ADGRB3: variants seen among roughly 807,000 people sequenced by gnomAD.
ADGRB3 encodes the protein brain-specific angiogenesis inhibitor 3.
In ADGRB3, 37 loss-of-function variants were observed where a neutral mutation model predicts 193.4. That is an observed-to-expected ratio of 0.19 (90% confidence interval 0.15 to 0.25). The LOEUF is 0.25. Ranked by LOEUF, ADGRB3 falls within the 10% of genes least tolerant of loss-of-function variation. The pLI is 1.00. For synonymous variants in ADGRB3, 690 were observed against 644.2 expected (o/e 1.07, Z -1.08); for missense variants, 1,637 against 1,852.9 (o/e 0.88, Z 2.14).
chr6:69,284,870 A>T (rs1767515466), intron 20 of ADGRB3, among the ~76,000 whole-genome samples: 1 of 152,172 alleles, frequency 6.6e-6, no homozygotes, highest in Admixed American at 6.5e-5. Flanking sequence ...GAAAAACAGC[A>T]GGGAAGATTG....
At chr6:68,874,042 C>G (rs574923692) in intron 3 of ADGRB3, among the ~76,000 whole-genome samples, 1 of 152,114 alleles carries the variant, frequency 6.6e-6, no homozygotes, top group Non-Finnish European at 1.5e-5. Context: ...TGCTAATATT[C>G]CACACATTAC....
At chr6:69,001,265 C>T (rs914233729) in intron 11 of ADGRB3, among the ~76,000 whole-genome samples, 1 of 152,156 alleles carries the variant, frequency 6.6e-6, no homozygotes. Context: ...AATGGCATGT[C>T]CATTAGAAAA....
intron 17 of ADGRB3, among the ~76,000 whole-genome samples, chr6:69,217,949 G>T (rs142883678): frequency 6.6e-6 from 1 of 151,688 alleles, no homozygotes; most frequent in Non-Finnish European, 1.5e-5. Context: ...TGAGGAGCTC[G>T]CCTCACTCTT....
rs929194799 is a variant in ADGRB3 at position 69,369,436 on chromosome 6, G to A, written c.4240-2970G>A. Among the ~76,000 whole-genome samples the A allele has an allele frequency of 3.3e-5, 5 of 152,042 alleles. No individual in the cohort carries two copies. The East Asian group carries it at 7.7e-4, about 24-fold the overall frequency. ...AACTAAGGCTGGGGTGGAGCCTCAC[G>A]CCTGTAATCTCAGCACTTTGAGAGG... On this transcript the variant is annotated intron_variant, in intron 29 of 31. Coordinates refer to ENST00000370598, the MANE Select transcript of ADGRB3 (RefSeq NM_001704.3).
intron 3 of ADGRB3, among the ~76,000 whole-genome samples, chr6:68,911,044 A>C (rs1011882877): frequency 7.9e-5 from 12 of 151,924 alleles, no homozygotes; most frequent in Admixed American, 3.3e-4. Flanking sequence ...ATGAGCATGG[A>C]ATGTTCTTCA....
intron 20 of ADGRB3, among the ~76,000 whole-genome samples, chr6:69,292,876 C>G (rs1290449228): frequency 2.0e-5 from 3 of 151,716 alleles, no homozygotes; most frequent in African/African-American, 4.8e-5. Flanking sequence ...CCCGTCCCCC[C>G]ACCCCACAAC....
In ADGRB3 at chr6:68,930,546, A is replaced by G. The variant is rs538883982; in HGVS notation, c.758-13A>G. On this transcript the variant is annotated splice_polypyrimidine_tract_variant and intron_variant, in intron 3 of 31. Transcript: ENST00000370598. ...TACACACAAGCTTTCATATACCTTTATTCTGTCTTTAGAATTTGGAATGAT... is the reference window on the plus strand; with the variant it reads ...TACACACAAGCTTTCATATACCTTTGTTCTGTCTTTAGAATTTGGAATGAT... 3 of 1,579,940 alleles carry G rather than the reference A, an allele frequency of 1.9e-6. No individual in the cohort carries two copies. In the South Asian group the frequency reaches 3.4e-5, roughly 18 times the overall value.
intron 3 of ADGRB3, among the ~76,000 whole-genome samples, chr6:68,659,212 T>C (rs1283699861): frequency 6.6e-6 from 1 of 150,992 alleles, no homozygotes; most frequent in African/African-American, 2.4e-5. Context: ...ATCAAGCTGA[T>C]GCAATTTTTT....
intron 3 of ADGRB3, among the ~76,000 whole-genome samples, chr6:68,735,970 A>G (rs1320223283): frequency 6.6e-6 from 1 of 152,116 alleles, no homozygotes; most frequent in Non-Finnish European, 1.5e-5. Context: ...GAACTGTGTG[A>G]CTTAAAATAG....
At chr6:69,123,475 C>A (rs1773773765) in intron 17 of ADGRB3, among the ~76,000 whole-genome samples, 1 of 152,116 alleles carries the variant, frequency 6.6e-6, no homozygotes, top group Admixed American at 6.5e-5. Flanking sequence ...TCTGGGACTA[C>A]AACAGTGAAC....
intron 17 of ADGRB3, among the ~76,000 whole-genome samples, chr6:69,078,864 C>T (rs9363981): frequency 0.033 from 4,957 of 152,170 alleles, 134 homozygotes; most frequent in East Asian, 0.097. Context: ...TTCATCACTG[C>T]ACTGTTGGTG....
chr6:68,943,065 A>G (rs957108896), intron 5 of ADGRB3, among the ~76,000 whole-genome samples: 1 of 152,228 alleles, frequency 6.6e-6, no homozygotes, highest in African/African-American at 2.4e-5. Context: ...TATGTTAAGC[A>G]TAATTATTTT....
rs541095901 is a variant in ADGRB3 at position 68,856,435 on chromosome 6, G to C, written c.758-74124G>C. Among the ~76,000 whole-genome samples the C allele has an allele frequency of 3.3e-5, 5 of 152,250 alleles. No individual in the cohort carries two copies. The East Asian group carries it at 5.8e-4, about 18-fold the overall frequency. ...ATTCTGATAGTTATATGAACAATAG[G>C]GTCCAGGTTGAGGTGGTCTCAGGTG... is the stretch of plus-strand genomic sequence containing the variant. On this transcript the variant is annotated intron_variant, in intron 3 of 31. Coordinates refer to ENST00000370598, the MANE Select transcript of ADGRB3 (RefSeq NM_001704.3).
intron 17 of ADGRB3, among the ~76,000 whole-genome samples, chr6:69,154,827 C>T (rs1345755944): frequency 6.6e-6 from 1 of 152,178 alleles, no homozygotes; most frequent in African/African-American, 2.4e-5. Flanking sequence ...TTTATCCATT[C>T]ATCTATCTAT....
chr6:69,167,067 A>G (rs775140688), intron 17 of ADGRB3, among the ~76,000 whole-genome samples: 11 of 152,164 alleles, frequency 7.2e-5, no homozygotes, highest in Non-Finnish European at 1.2e-4. Context: ...TTTGACTCTC[A>G]CAGAGCAGGA....
Position 69,089,651 on chromosome 6 carries a change from A to G in ADGRB3, c.2480+13613A>G, listed in dbSNP as rs1189084044. On this transcript the variant is annotated intron_variant, in intron 17 of 31. Coordinates refer to ENST00000370598, the MANE Select transcript of ADGRB3 (RefSeq NM_001704.3). ...TTATAACCACTTTACAATTCTACTT[A>G]TTTAATTTATCTTTGTAGGATGTAC... Among the ~76,000 whole-genome samples, 4 of 152,220 alleles carry G rather than the reference A, an allele frequency of 2.6e-5. 1 individual carries two copies. Among genetic ancestry groups the G allele is most frequent in the Admixed American group, 2.6e-4 (4 of 15,284 alleles).
intron 11 of ADGRB3, among the ~76,000 whole-genome samples, chr6:69,005,242 C>G (rs1053930058): frequency 1.3e-5 from 2 of 151,422 alleles, no homozygotes; most frequent in Non-Finnish European, 2.9e-5. Flanking sequence ...CCCCAAAGCA[C>G]TAAAGATTGG....
At chr6:68,683,086 A>G (rs149491569) in intron 3 of ADGRB3, among the ~76,000 whole-genome samples, 4 of 152,236 alleles carry the variant, frequency 2.6e-5, no homozygotes, top group African/African-American at 9.6e-5. Context: ...CGCCTGGCCA[A>G]TTCAGTGTTT....
At chr6:68,992,702 A>G (rs906376849) in intron 10 of ADGRB3, among the ~76,000 whole-genome samples, 13 of 152,236 alleles carry the variant, frequency 8.5e-5, no homozygotes, top group African/African-American at 3.1e-4. Context: ...ATCTTTACAG[A>G]AAAAGAAAAG....
Sources: gnomAD v4.1 joint callset for allele counts (sites outside exome capture counted in the v4.1 genomes callset) on GRCh38, gnomAD v4.1.1 for gene constraint, MANE v1.5 for transcripts, NCBI Gene and HGNC (gene_info 2026-07-23, HGNC 2026-07-21) for gene names.